The following DNAH3 variants were observed in gnomAD, a reference collection of about 807,000 sequenced individuals.
The protein encoded by DNAH3 is dynein axonemal heavy chain 3.
Under a neutral mutation model 432.5 loss-of-function variants are expected in DNAH3, and 332 were observed. The observed-to-expected ratio is 0.77, with a 90% confidence interval of 0.70 to 0.84. The LOEUF is 0.84. Ranked by LOEUF, DNAH3 falls within the 40% of genes least tolerant of loss-of-function variation. DNAH3 has a pLI of 0.00. For missense variants in DNAH3, 4,861 were observed against 5,114.0 expected (o/e 0.95, Z 1.51); for synonymous variants, 1,956 against 1,900.2 (o/e 1.03, Z -0.76).
rs181133932 is a variant in DNAH3 at position 21,124,388 on chromosome 16, C to T, written c.1404+787G>A. ...TTTCTTTAAATTTTCTTAACAACTT[C>T]TCTACTTCTGTACATTTTTACCAAC... On this transcript the variant is annotated intron_variant, in intron 9 of 61. Transcript: ENST00000261383. 2.0e-5 allele frequency among the ~76,000 whole-genome samples: 3 copies of T among 152,278 alleles called. No homozygotes were observed. The East Asian group carries it at 5.8e-4, about 29-fold the overall frequency.
intron 41 of DNAH3, among the ~76,000 whole-genome samples, chr16:21,016,162 T>C (rs1012894950): frequency 2.0e-5 from 3 of 152,176 alleles, no homozygotes; most frequent in African/African-American, 7.2e-5. Context: ...AAGGGAAGTT[T>C]AGCAACCAAA....
At chr16:21,149,208 A>G (rs983982448) in intron 1 of DNAH3, among the ~76,000 whole-genome samples, 4 of 149,998 alleles carry the variant, frequency 2.7e-5, no homozygotes, top group African/African-American at 7.4e-5. Flanking sequence ...CAGCCTGGAT[A>G]ACAGAGACAA....
chr16:21,036,976 A>C (rs2152728699), intron 34 of DNAH3, 128 bp from the exon 35 acceptor site: 2 of 737,812 alleles, frequency 2.7e-6, no homozygotes, highest in Admixed American at 5.9e-5. Flanking sequence ...TTTTTCTTGC[A>C]CCAAAACTTT....
chr16:20,965,498 T>C (rs2085016612), intron 52 of DNAH3, 73 bp from the exon 53 acceptor site: 1 of 1,294,798 alleles, frequency 7.7e-7, no homozygotes, highest in African/African-American at 1.5e-5. Flanking sequence ...CAGTGGTTAC[T>C]GCTGGTATTT....
At chr16:21,089,064 T>A (rs1017565692) in intron 18 of DNAH3, among the ~76,000 whole-genome samples, 1 of 152,198 alleles carries the variant, frequency 6.6e-6, no homozygotes, top group Non-Finnish European at 1.5e-5. Context: ...CACAGTAGTT[T>A]TCCAAGTTTA....
In DNAH3 at chr16:21,125,161, G is replaced by A. The variant is rs1435609844; in HGVS notation, c.1404+14C>T. 1.3e-6 allele frequency: 2 copies of A among 1,584,192 alleles called. No individual in the cohort carries two copies. Among genetic ancestry groups the A allele is most frequent in the African/African-American group, 2.7e-5 (2 of 74,126 alleles). On this transcript the variant is annotated intron_variant, in intron 9 of 61. Coordinates refer to ENST00000261383, the Ensembl canonical transcript of DNAH3. ...ATTCCCCTCAAAAGGTCCAAATGCAGGTCCCTGACTTACTTTGTGTATCAT... is the reference window on the plus strand; with the variant it reads ...ATTCCCCTCAAAAGGTCCAAATGCAAGTCCCTGACTTACTTTGTGTATCAT...
intron 31 of DNAH3, among the ~76,000 whole-genome samples, chr16:21,049,211 A>G (rs1446558733): frequency 8.7e-5 from 13 of 149,162 alleles, no homozygotes; most frequent in Admixed American, 8.6e-4. Flanking sequence ...TGATCCTCCC[A>G]CCTTGGCCTC....
intron 17 of DNAH3, among the ~76,000 whole-genome samples, chr16:21,098,031 C>A (rs2091733204): frequency 6.6e-6 from 1 of 152,112 alleles, no homozygotes; most frequent in African/African-American, 2.4e-5. Flanking sequence ...TTGCTAAGCA[C>A]ATAATAAATG....
At chr16:21,016,086 G>A (rs372211778) in intron 41 of DNAH3, among the ~76,000 whole-genome samples, 3 of 152,008 alleles carry the variant, frequency 2.0e-5, no homozygotes, top group East Asian at 1.9e-4. Flanking sequence ...ACTGTGCCTG[G>A]CCGAGATATG....
intron 19 of DNAH3, among the ~76,000 whole-genome samples, chr16:21,082,592 G>C (rs556900788): frequency 6.6e-6 from 1 of 152,104 alleles, no homozygotes; most frequent in Non-Finnish European, 1.5e-5. Context: ...CACTTTGGGA[G>C]GCTGAGGCGG....
rs147676434 is a variant in DNAH3 at position 21,099,736 on chromosome 16, T to A, written c.2367-967A>T. 7.8e-4 allele frequency among the ~76,000 whole-genome samples: 119 copies of A among 152,348 alleles called. 1 individual carries two copies. Among genetic ancestry groups the A allele is most frequent in the Middle Eastern group, 6.8e-3 (2 of 294 alleles). On this transcript the variant is annotated intron_variant, in intron 16 of 61. Transcript: ENST00000261383. ...ACAATAACAAAAAAAAGCTCAGAAT[T>A]GAGCCTGGTATACAATAGTCAATAC...
At chr16:21,047,060 C>G (rs531563391) in intron 31 of DNAH3, among the ~76,000 whole-genome samples, 4,418 of 150,276 alleles carry the variant, frequency 0.029, 215 homozygotes, top group African/African-American at 0.097. Flanking sequence ...TACTCTGACG[C>G]GCTTCCCTTT....
chr16:21,083,279 G>C (rs1414087625), intron 19 of DNAH3, among the ~76,000 whole-genome samples: 1 of 152,174 alleles, frequency 6.6e-6, no homozygotes, highest in African/African-American at 2.4e-5. Flanking sequence ...GCCTCCCAAA[G>C]TGTTGGGATT....
At chr16:21,044,934 T>C (rs1306096230) in intron 31 of DNAH3, among the ~76,000 whole-genome samples, 2 of 147,308 alleles carry the variant, frequency 1.4e-5, no homozygotes, top group Non-Finnish European at 3.0e-5. Flanking sequence ...GAGATAATCA[T>C]GTGGTTTTTG....
chr16:21,009,893 AAGAGGAGAGG>A (rs35449316), intron 41 of DNAH3, among the ~76,000 whole-genome samples: 1 of 117,212 alleles, frequency 8.5e-6, no homozygotes, highest in Non-Finnish European at 1.7e-5. Flanking sequence ...AAGAAAAGAA[AAGAGGAGAGG>A]AGAGGAGAGG....
chr16:21,117,603 G>T (rs148879076), intron 11 of DNAH3, among the ~76,000 whole-genome samples: 1 of 152,006 alleles, frequency 6.6e-6, no homozygotes, highest in Non-Finnish European at 1.5e-5. Flanking sequence ...CCTGCTCACC[G>T]CCCCACAACG....
At chr16:20,967,925 G>A (rs2085137337) in intron 52 of DNAH3, among the ~76,000 whole-genome samples, 1 of 152,126 alleles carries the variant, frequency 6.6e-6, no homozygotes, top group African/African-American at 2.4e-5. Context: ...TTTCCCTAAA[G>A]GATGCTCTTG....
At chr16:21,109,313 C>CA (rs1567805902) in intron 14 of DNAH3, among the ~76,000 whole-genome samples, 2 of 152,096 alleles carry the variant, frequency 1.3e-5, no homozygotes, top group African/African-American at 4.8e-5. Context: ...CCTAACCTGT[C>CA]AGAGTCTCAG....
exon 28 of DNAH3, chr16:21,054,438 T>C (rs755592514): frequency 1.2e-6 from 2 of 1,613,982 alleles, no homozygotes; most frequent in African/African-American, 2.7e-5. Context: ...TCGATGACCG[T>C]GAGGGCCCCG....
Sources: gnomAD v4.1 joint callset for allele counts (sites outside exome capture counted in the v4.1 genomes callset) on GRCh38, gnomAD v4.1.1 for gene constraint, MANE v1.5 for transcripts, NCBI Gene and HGNC (gene_info 2026-07-23, HGNC 2026-07-21) for gene names.